CYRIA: variants seen among roughly 807,000 people sequenced by gnomAD.
The protein encoded by CYRIA is CYFIP related Rac1 interactor A, also known as CYFIP-related Rac1 interactor A.
In CYRIA, 15 loss-of-function variants were observed where a neutral mutation model predicts 43.9. That is an observed-to-expected ratio of 0.34 (90% CI 0.23 to 0.53). CYRIA has a LOEUF of 0.53. Among genes scored for constraint, CYRIA ranks in the 20% least tolerant of loss-of-function variants. The pLI is 0.94. For synonymous variants in CYRIA, 117 were observed against 136.0 expected, an observed-to-expected ratio of 0.86 and a Z score of 0.97; for missense variants, 236 against 394.2, an observed-to-expected ratio of 0.60 and a Z score of 3.40.
At chr2:16,665,372 G>C (rs1386335866) in intron 1 of CYRIA, among the ~76,000 whole-genome samples, 1 of 151,940 alleles carries the variant, frequency 6.6e-6, no homozygotes, top group East Asian at 2.0e-4. Context: ...CTCCCTTTGG[G>C]GCTGTAGAGA....
At chr2:16,579,777 G>A (rs565799363) in intron 3 of CYRIA, among the ~76,000 whole-genome samples, 6 of 151,530 alleles carry the variant, frequency 4.0e-5, no homozygotes, top group Non-Finnish European at 8.8e-5. Context: ...AAAAAAAGAA[G>A]GCAAATATGA....
chr2:16,647,593 A>C (rs888858612), intron 1 of CYRIA, among the ~76,000 whole-genome samples: 1 of 152,220 alleles, frequency 6.6e-6, no homozygotes, highest in Non-Finnish European at 1.5e-5. Context: ...CTGCAGGTCC[A>C]GTCTCCCTCT....
chr2:16,565,552 G>C, intron 4 of CYRIA, 94 bp downstream of exon 4: 1 of 1,329,790 alleles, frequency 7.5e-7, no homozygotes, highest in South Asian at 1.9e-5. Flanking sequence ...AAATACTGTA[G>C]CTATTACTTA....
In CYRIA at chr2:16,582,843, G is replaced by C. The variant is rs770953172; in HGVS notation, c.70+5207C>G. ...ACATTAATGTACAAATTCTTGTGTG[G>C]ACATATATTTTCACTTTTCTTGCAT... is the stretch of plus-strand genomic sequence containing the variant. On this transcript the variant is annotated intron_variant, in intron 3 of 11. Coordinates refer to ENST00000381323, the MANE Select transcript of CYRIA (RefSeq NM_030797.4). Among the ~76,000 whole-genome samples the C allele has an allele frequency of 2.6e-5, 4 of 152,218 alleles. No homozygotes were observed. The South Asian group carries it at 8.3e-4, about 32-fold the overall frequency.
At chr2:16,655,357 A>T (rs999512751) in intron 1 of CYRIA, among the ~76,000 whole-genome samples, 5 of 152,156 alleles carry the variant, frequency 3.3e-5, no homozygotes, top group African/African-American at 1.2e-4. Flanking sequence ...TTAAAAATGG[A>T]GGAACTGAGG....
In CYRIA at chr2:16,623,925, C is replaced by T. The variant is rs942537425; in HGVS notation, c.-72G>A. On this transcript the variant is annotated 5_prime_UTR_variant, in exon 2 of 12. Transcript: ENST00000381323. ...AGGCTGATGGGATGAACCAGCTTAG[C>T]TGCTGTCTGGCCAAAGTAAGTTGGA... is the stretch of plus-strand genomic sequence containing the variant. 53 of 152,230 alleles carry T rather than the reference C, an allele frequency of 3.5e-4. 2 individuals are homozygous for T. The highest frequency in any genetic ancestry group is 4.4e-5 in the Non-Finnish European group (3 of 68,060). The allele number at this position is 152,230 out of a possible 1,614,324, so 9.4% of individuals were successfully genotyped here. A position where few individuals can be genotyped will look rare whatever the true frequency, so the allele number is the denominator to read the frequency against.
chr2:16,630,872 T>C (rs1246979036), intron 1 of CYRIA, among the ~76,000 whole-genome samples: 2 of 152,212 alleles, frequency 1.3e-5, no homozygotes, highest in Non-Finnish European at 2.9e-5. Flanking sequence ...GGGGCACACC[T>C]TAAGCAGGTT....
intron 2 of CYRIA, among the ~76,000 whole-genome samples, chr2:16,603,315 G>A (rs1460297925): frequency 6.6e-6 from 1 of 152,094 alleles, no homozygotes; most frequent in African/African-American, 2.4e-5. Flanking sequence ...TTTATGTATT[G>A]CCATATTTTA....
chr2:16,603,964 G>T (rs1036885418), intron 2 of CYRIA, among the ~76,000 whole-genome samples: 6 of 152,192 alleles, frequency 3.9e-5, no homozygotes, highest in African/African-American at 1.4e-4. Context: ...GGTTTATTTG[G>T]AAATGTTACT....
At chr2:16,636,526 G>T (rs1558437444) in intron 1 of CYRIA, among the ~76,000 whole-genome samples, 1 of 152,274 alleles carries the variant, frequency 6.6e-6, no homozygotes, top group East Asian at 1.9e-4. Flanking sequence ...GAGGCCAACT[G>T]CCCCAGGCCC....
intron 1 of CYRIA, among the ~76,000 whole-genome samples, chr2:16,653,624 T>C (rs1366543730): frequency 6.6e-6 from 1 of 152,146 alleles, no homozygotes; most frequent in African/African-American, 2.4e-5. Flanking sequence ...GTGTGTTTGG[T>C]TTACTGCTGA....
intron 2 of CYRIA, among the ~76,000 whole-genome samples, chr2:16,621,903 C>G (rs1352009519): frequency 6.6e-6 from 1 of 152,096 alleles, no homozygotes; most frequent in Non-Finnish European, 1.5e-5. Context: ...TCCCTTGATC[C>G]TACTTGAATG....
chr2:16,631,093 C>T (rs575651643), intron 1 of CYRIA, among the ~76,000 whole-genome samples: 1 of 152,194 alleles, frequency 6.6e-6, no homozygotes, highest in South Asian at 2.1e-4. Flanking sequence ...CTGTCAGATC[C>T]TCAGATACAA....
rs151320399 is a variant in CYRIA at position 16,583,285 on chromosome 2, T to C, written c.70+4765A>G. On this transcript the variant is annotated intron_variant, in intron 3 of 11. Coordinates refer to ENST00000381323, the MANE Select transcript of CYRIA (RefSeq NM_030797.4). ...GAATCTACCTGAACCTCTACCTAAC[T>C]TGGAGATCTTCCACTCCAAACTTTG... 3.0e-3 allele frequency among the ~76,000 whole-genome samples: 450 copies of C among 152,270 alleles called. 3 individuals are homozygous for C. Among genetic ancestry groups the C allele is most frequent in the African/African-American group, 0.011 (437 of 41,562 alleles).
intron 2 of CYRIA, among the ~76,000 whole-genome samples, chr2:16,619,719 G>T (rs982274632): frequency 4.6e-5 from 7 of 152,174 alleles, no homozygotes; most frequent in African/African-American, 1.7e-4. Flanking sequence ...GAACAAAGTG[G>T]GAGGATGAGG....
chr2:16,604,310 G>A (rs1036834067), intron 2 of CYRIA, among the ~76,000 whole-genome samples: 1 of 152,210 alleles, frequency 6.6e-6, no homozygotes, highest in African/African-American at 2.4e-5. Flanking sequence ...GAGAAATCCT[G>A]ATGGGCAGCC....
intron 1 of CYRIA, among the ~76,000 whole-genome samples, chr2:16,656,196 C>T (rs577304570): frequency 6.6e-6 from 1 of 152,214 alleles, no homozygotes; most frequent in East Asian, 1.9e-4. Context: ...CACATATTCA[C>T]CCCCACACAC....
At chr2:16,562,189 G>A (rs770890257) in intron 5 of CYRIA, 48 bp from the exon 6 acceptor site, 8 of 1,566,858 alleles carry the variant, frequency 5.1e-6, no homozygotes, top group South Asian at 1.2e-5. Context: ...GCCCACAGAG[G>A]TCCTTCAAAG....
At chr2:16,659,680 C>T (rs1054832939) in intron 1 of CYRIA, among the ~76,000 whole-genome samples, 1 of 152,176 alleles carries the variant, frequency 6.6e-6, no homozygotes, top group African/African-American at 2.4e-5. Context: ...CATCTGGTTG[C>T]CAATGCGAAT....
Sources: allele counts gnomAD v4.1 joint callset (sites outside exome capture counted in the v4.1 genomes callset), GRCh38; gene constraint gnomAD v4.1.1; transcripts MANE v1.5; gene names NCBI Gene and HGNC (gene_info 2026-07-23, HGNC 2026-07-21).